The following CLEC16A variants were observed in gnomAD, a reference collection of about 807,000 sequenced individuals.
CLEC16A encodes the protein protein CLEC16A.
A neutral mutation model predicts 109.5 loss-of-function variants in CLEC16A; 51 were observed. The ratio of observed to expected loss-of-function variants is 0.47; its 90% confidence interval spans 0.37 to 0.59. The LOEUF (loss-of-function observed/expected upper bound fraction) is 0.59. Ranked by LOEUF, CLEC16A falls within the 20% of genes least tolerant of loss-of-function variation. CLEC16A has a pLI of 0.00. For synonymous variants in CLEC16A, 673 were observed against 564.2 expected, an observed-to-expected ratio of 1.19 and a Z score of -2.73; for missense variants, 1,339 against 1,394.0, an observed-to-expected ratio of 0.96 and a Z score of 0.63.
At chr16:11,169,939 GCCAC>G (rs1487083942) in intron 23 of CLEC16A, among the ~76,000 whole-genome samples, 3 of 151,858 alleles carry the variant, frequency 2.0e-5, no homozygotes, top group African/African-American at 7.2e-5. Context: ...GTTGAATCCT[GCCAC>G]ACTCCGCCTC....
At position 11,167,288 on chromosome 16, in the gene CLEC16A, C is replaced by G. The variant is rs1358853939; in HGVS notation, c.2806+736C>G. Among the ~76,000 whole-genome samples, 6 of 152,324 alleles carry G rather than the reference C, an allele frequency of 3.9e-5. No individual in the cohort carries two copies. The East Asian group carries it at 1.2e-3, about 29-fold the overall frequency. The stretch of plus-strand genomic sequence containing the variant: ...CATGGCCTTGAGCCAGCAGGATGTT[C>G]TGTGCCCCAGCAGCATCCCCCCGCC... On this transcript the variant is annotated intron_variant, in intron 23 of 23. Coordinates refer to ENST00000409790, the MANE Select transcript of CLEC16A (RefSeq NM_015226.3).
chr16:10,991,825 T>A (rs1414772014), intron 10 of CLEC16A, among the ~76,000 whole-genome samples: 1 of 152,242 alleles, frequency 6.6e-6, no homozygotes, highest in Non-Finnish European at 1.5e-5. Context: ...AGGGCTGCAC[T>A]TGAGCAAGAA....
chr16:11,153,776 A>G (rs1350743727), intron 22 of CLEC16A, among the ~76,000 whole-genome samples: 1 of 152,146 alleles, frequency 6.6e-6, no homozygotes, highest in Non-Finnish European at 1.5e-5. Flanking sequence ...TTTATGATGA[A>G]ATATTAATAA....
In CLEC16A at chr16:11,178,730, G is replaced by A. The variant is rs2068866110; in HGVS notation, c.*40G>A. On this transcript the variant is annotated 3_prime_UTR_variant, in exon 24 of 24. Transcript: ENST00000409790. This position sits in a 1 kb window ranked among gnomAD's most constrained non-coding sequence, Gnocchi z 6.5. Reference sequence around the variant, plus strand: ...CTCCCTTTGTGTGTGTGGCCCCGCTGGTAGGGACCCCAGTGCCGCTGACTG... The same window carrying A: ...CTCCCTTTGTGTGTGTGGCCCCGCTAGTAGGGACCCCAGTGCCGCTGACTG... The A allele has an allele frequency of 7.2e-7, 1 of 1,393,172 alleles. No homozygotes were observed. Among genetic ancestry groups the A allele is most frequent in the Admixed American group, 2.7e-5 (1 of 36,876 alleles). The allele number at this position is 1,393,172 out of a possible 1,614,324, so 86.3% of individuals were successfully genotyped here.
Position 11,025,017 on chromosome 16 carries a change from C to G in CLEC16A, c.1537+96C>G, listed in dbSNP as rs1407942717. On this transcript the variant is annotated intron_variant, in intron 13 of 23. Transcript: ENST00000409790. ...CATGGAGGACAAAGAAAGGTGCTTT[C>G]TGTACAGAATTTCCTTTCTGGTTTT... 3 of 912,722 alleles carry G rather than the reference C, an allele frequency of 3.3e-6. No homozygotes were observed. In the Admixed American group the frequency reaches 6.2e-5, roughly 19 times the overall value. 56.5% of individuals were successfully genotyped at this position (912,722 alleles called of 1,614,324 possible).
At chr16:11,136,736 A>C (rs905051142) in intron 22 of CLEC16A, among the ~76,000 whole-genome samples, 2 of 152,188 alleles carry the variant, frequency 1.3e-5, no homozygotes, top group African/African-American at 2.4e-5. Flanking sequence ...CTGAGGCCCC[A>C]CAGCTCTCAG....
intron 18 of CLEC16A, 72 bp downstream of exon 18, chr16:11,051,713 G>C (rs1047576941): frequency 1.8e-4 from 282 of 1,574,326 alleles, no homozygotes; most frequent in Non-Finnish European, 2.3e-4. Flanking sequence ...AGGGAGGAAA[G>C]GGCTTCTTTG....
At chr16:11,046,450 C>G (rs1434988450) in intron 16 of CLEC16A, among the ~76,000 whole-genome samples, 3 of 151,866 alleles carry the variant, frequency 2.0e-5, no homozygotes, top group Non-Finnish European at 4.4e-5. Flanking sequence ...GGATCTATTC[C>G]CTTTCCCACC....
At chr16:10,948,123 G>C (rs543612582) in intron 1 of CLEC16A, among the ~76,000 whole-genome samples, 1 of 152,136 alleles carries the variant, frequency 6.6e-6, no homozygotes, top group Non-Finnish European at 1.5e-5. Context: ...TCGATCTCCT[G>C]ACCTTGTGAT....
chr16:11,140,074 C>T (rs752664369), intron 22 of CLEC16A, among the ~76,000 whole-genome samples: 3 of 152,310 alleles, frequency 2.0e-5, no homozygotes, highest in East Asian at 1.9e-4. Context: ...CCTCTTCTAC[C>T]GGCTTCCTGA....
chr16:11,124,298 C>G (rs190363495), intron 21 of CLEC16A, among the ~76,000 whole-genome samples: 4 of 152,342 alleles, frequency 2.6e-5, no homozygotes, highest in Admixed American at 2.6e-4. Flanking sequence ...TAAAACAACT[C>G]TGGAGTTCTG....
intron 23 of CLEC16A, among the ~76,000 whole-genome samples, chr16:11,169,434 G>A (rs1202511977): frequency 2.0e-5 from 3 of 152,048 alleles, no homozygotes; most frequent in East Asian, 1.9e-4. Context: ...TTACAGGTGC[G>A]CACCACCATG....
At chr16:11,036,580 C>T (rs185721702) in intron 13 of CLEC16A, among the ~76,000 whole-genome samples, 74 of 142,300 alleles carry the variant, frequency 5.2e-4, no homozygotes, top group African/African-American at 1.7e-3. Flanking sequence ...ACAAGAGTCT[C>T]GCTCTGTCAC....
chr16:11,028,694 A>T (rs1342071812), intron 13 of CLEC16A, among the ~76,000 whole-genome samples: 1 of 152,200 alleles, frequency 6.6e-6, no homozygotes, highest in Non-Finnish European at 1.5e-5. Context: ...ATTTTGGGAC[A>T]TGTATGGATA....
intron 9 of CLEC16A, among the ~76,000 whole-genome samples, chr16:10,981,716 G>A (rs1397808127): frequency 6.6e-6 from 1 of 152,136 alleles, no homozygotes; most frequent in Non-Finnish European, 1.5e-5. Flanking sequence ...GTAAAAACCG[G>A]GTTTCTGTTC....
At chr16:11,175,940 G>A (rs1014310915) in intron 23 of CLEC16A, among the ~76,000 whole-genome samples, 5 of 152,224 alleles carry the variant, frequency 3.3e-5, no homozygotes, top group African/African-American at 7.2e-5. Context: ...TTAAGAAAAC[G>A]TGAAGGTAAC....
intron 19 of CLEC16A, among the ~76,000 whole-genome samples, chr16:11,120,025 C>T (rs1206568723): frequency 1.3e-5 from 2 of 152,084 alleles, no homozygotes; most frequent in African/African-American, 4.8e-5. Context: ...GGTTGGAGTG[C>T]AGAGCGCGAT....
At chr16:11,070,391 G>A (rs62029609) in intron 19 of CLEC16A, 9,239 of 149,114 alleles carry the variant, frequency 0.062, 396 homozygotes, top group Non-Finnish European at 0.094. Context: ...TTTTAAGCTA[G>A]AGATGGGATC....
At chr16:11,093,477 C>T (rs1414017624) in intron 19 of CLEC16A, among the ~76,000 whole-genome samples, 3 of 152,192 alleles carry the variant, frequency 2.0e-5, no homozygotes, top group African/African-American at 7.2e-5. Context: ...GCATGCCCTG[C>T]TGGACACTTC....
Sources: allele counts gnomAD v4.1 joint callset (sites outside exome capture counted in the v4.1 genomes callset), GRCh38; gene constraint gnomAD v4.1.1; non-coding constraint Gnocchi (gnomAD v3.1); transcripts MANE v1.5; gene names NCBI Gene and HGNC (gene_info 2026-07-23, HGNC 2026-07-21).